UBL3: variants seen among roughly 807,000 people sequenced by gnomAD.
The protein encoded by UBL3 is ubiquitin like 3, also known as ubiquitin-like protein 3.
Under a neutral mutation model 18.4 loss-of-function variants are expected in UBL3, and 6 were observed. The observed-to-expected ratio is 0.33, with a 90% CI of 0.18 to 0.64. The LOEUF is 0.64. Ranked by LOEUF, UBL3 falls within the 30% of genes least tolerant of loss-of-function variation. UBL3 has a pLI of 0.76. For missense variants in UBL3, 109 were observed against 142.9 expected (o/e 0.76, Z 1.21); for synonymous variants, 49 against 46.6 (o/e 1.05, Z -0.21).
At chr13:29,785,838 C>T (rs1396994506) in intron 1 of UBL3, among the ~76,000 whole-genome samples, 1 of 152,024 alleles carries the variant, frequency 6.6e-6, no homozygotes, top group Middle Eastern at 3.2e-3. Flanking sequence ...CAGATAACTA[C>T]AGGAGGGAGG....
At chr13:29,773,341 T>C (rs1276679652) in intron 2 of UBL3, among the ~76,000 whole-genome samples, 3 of 152,180 alleles carry the variant, frequency 2.0e-5, no homozygotes, top group Non-Finnish European at 2.9e-5. Context: ...TTCCCTCTTC[T>C]GTCTCCTGTA....
In UBL3 at chr13:29,850,419, G is replaced by A. The variant is rs1365903040; in HGVS notation, c.-881C>T. 3 of 153,218 alleles carry A rather than the reference G, an allele frequency of 2.0e-5. No homozygotes were observed. The highest frequency in any genetic ancestry group is 2.9e-5 in the Non-Finnish European group (2 of 68,232). The allele number at this position is 153,218 out of a possible 1,614,324, so 9.5% of individuals were successfully genotyped here. A position where few individuals can be genotyped will look rare whatever the true frequency, so the allele number is the denominator to read the frequency against. On this transcript the variant is annotated 5_prime_UTR_variant, in exon 1 of 5. Coordinates refer to ENST00000380680, the MANE Select transcript of UBL3 (RefSeq NM_007106.4). Reference sequence around the variant, plus strand: ...TCCCCTCCCCGGCCTCGCGAGCTCCGGGCGACGCCGACTTCGGCTGGTCCC... The same window carrying A: ...TCCCCTCCCCGGCCTCGCGAGCTCCAGGCGACGCCGACTTCGGCTGGTCCC...
intron 1 of UBL3, among the ~76,000 whole-genome samples, chr13:29,821,473 T>G (rs540228236): frequency 6.6e-6 from 1 of 152,318 alleles, no homozygotes; most frequent in East Asian, 1.9e-4. Context: ...TGTAATACCT[T>G]TTGCAGACAT....
At chr13:29,832,715 G>A (rs1878813536) in intron 1 of UBL3, among the ~76,000 whole-genome samples, 1 of 152,072 alleles carries the variant, frequency 6.6e-6, no homozygotes, top group African/African-American at 2.4e-5. Flanking sequence ...TACATTGCTG[G>A]CAATCCGTGA....
At chr13:29,802,662 T>C (rs1289346341) in intron 1 of UBL3, among the ~76,000 whole-genome samples, 4 of 152,146 alleles carry the variant, frequency 2.6e-5, no homozygotes, top group East Asian at 1.9e-4. Flanking sequence ...CATAATGCAA[T>C]TGCAAGTATT....
chr13:29,783,812 T>C (rs1877239413), intron 1 of UBL3, among the ~76,000 whole-genome samples: 1 of 152,122 alleles, frequency 6.6e-6, no homozygotes, highest in Non-Finnish European at 1.5e-5. Context: ...GACACATCAA[T>C]AATGGGTTAA....
intron 1 of UBL3, among the ~76,000 whole-genome samples, chr13:29,785,066 C>T (rs569701232): frequency 1.4e-4 from 22 of 152,140 alleles, no homozygotes; most frequent in South Asian, 6.2e-4. Flanking sequence ...CCACCATGCC[C>T]GGCTAATTTT....
At chr13:29,837,147 T>C (rs1878978124) in intron 1 of UBL3, among the ~76,000 whole-genome samples, 1 of 152,194 alleles carries the variant, frequency 6.6e-6, no homozygotes. Flanking sequence ...ATAACCATAA[T>C]TCAGATTCTC....
At chr13:29,814,737 T>C (rs1346865142) in intron 1 of UBL3, among the ~76,000 whole-genome samples, 1 of 152,162 alleles carries the variant, frequency 6.6e-6, no homozygotes, top group Non-Finnish European at 1.5e-5. Context: ...CACTGGAATA[T>C]GATTGGCCAT....
At chr13:29,843,450 T>C (rs533735694) in intron 1 of UBL3, among the ~76,000 whole-genome samples, 36 of 152,300 alleles carry the variant, frequency 2.4e-4, no homozygotes, top group African/African-American at 8.4e-4. Context: ...TGAAGTTCAA[T>C]GTATTTTGCA....
chr13:29,837,301 T>C (rs944990144), intron 1 of UBL3, among the ~76,000 whole-genome samples: 10 of 152,120 alleles, frequency 6.6e-5, no homozygotes, highest in African/African-American at 2.4e-4. Flanking sequence ...CAACAGTAGT[T>C]AATATACTCA....
chr13:29,775,106 T>C (rs762728840), intron 2 of UBL3, among the ~76,000 whole-genome samples: 2 of 152,216 alleles, frequency 1.3e-5, no homozygotes, highest in Non-Finnish European at 2.9e-5. Context: ...AACATAGGCA[T>C]GACAAACTCA....
intron 1 of UBL3, among the ~76,000 whole-genome samples, chr13:29,836,096 G>C (rs1199421262): frequency 6.6e-6 from 1 of 152,106 alleles, no homozygotes; most frequent in Non-Finnish European, 1.5e-5. Flanking sequence ...GAGAGAGAGG[G>C]TACTTGAACT....
chr13:29,779,922 A>T (rs925819392), intron 1 of UBL3, among the ~76,000 whole-genome samples: 1 of 152,182 alleles, frequency 6.6e-6, no homozygotes, highest in Non-Finnish European at 1.5e-5. Flanking sequence ...CAGCGGCCTT[A>T]TAAGAAGAGA....
chr13:29,819,588 GCTTA>G (rs1878372561), intron 1 of UBL3, among the ~76,000 whole-genome samples: 1 of 152,090 alleles, frequency 6.6e-6, no homozygotes, highest in Non-Finnish European at 1.5e-5. Flanking sequence ...TATAATTACT[GCTTA>G]CTTATGATAA....
intron 1 of UBL3, among the ~76,000 whole-genome samples, chr13:29,835,056 T>C (rs1878881125): frequency 7.4e-6 from 1 of 134,610 alleles, no homozygotes; most frequent in Non-Finnish European, 1.6e-5. Context: ...TACTAAGTAC[T>C]GGTCATGGCA....
intron 1 of UBL3, among the ~76,000 whole-genome samples, chr13:29,844,474 A>T (rs917766799): frequency 2.0e-5 from 3 of 152,202 alleles, no homozygotes; most frequent in Non-Finnish European, 4.4e-5. Context: ...CACTGATTGA[A>T]TGCAAGCAAT....
chr13:29,829,326 G>C (rs915930015), intron 1 of UBL3, among the ~76,000 whole-genome samples: 3 of 152,222 alleles, frequency 2.0e-5, no homozygotes, highest in African/African-American at 7.2e-5. Flanking sequence ...CTGAGCTGTG[G>C]TGGGCTCCAG....
rs1359464345 is a variant in UBL3, at chr13:29,780,367, A to AAAAAAAAAAAT, written c.28-3105_28-3104insATTTTTTTTTT. 1.4e-3 allele frequency among the ~76,000 whole-genome samples: 142 copies of AAAAAAAAAAAT among 103,258 alleles called. 3 individuals carry two copies. Among genetic ancestry groups the AAAAAAAAAAAT allele is most frequent in the African/African-American group, 3.1e-3 (79 of 25,152 alleles). The allele number at this position is 103,258 out of a possible 152,430, so 67.7% of individuals were successfully genotyped here. ...AGACTCTGTCTCAAAAAAAAAAAAA[A>AAAAAAAAAAAT]ATATATATATATATATATATATATG... On this transcript the variant is annotated intron_variant, in intron 1 of 4. Coordinates refer to ENST00000380680, the MANE Select transcript of UBL3 (RefSeq NM_007106.4).
Sources: allele counts gnomAD v4.1 joint callset (sites outside exome capture counted in the v4.1 genomes callset), GRCh38; gene constraint gnomAD v4.1.1; transcripts MANE v1.5; gene names NCBI Gene and HGNC (gene_info 2026-07-23, HGNC 2026-07-21).